IGF2BP3: variants seen among roughly 807,000 people sequenced by gnomAD.
The protein encoded by IGF2BP3 is insulin-like growth factor 2 mRNA-binding protein 3.
Under a neutral mutation model 73.8 loss-of-function variants are expected in IGF2BP3, and 9 were observed. The ratio of observed to expected loss-of-function variants is 0.12; its 90% CI spans 0.07 to 0.21. The LOEUF (loss-of-function observed/expected upper bound fraction) is 0.21. Ranked by LOEUF, IGF2BP3 falls within the 10% of genes least tolerant of loss-of-function variation. The pLI is 1.00. For synonymous variants in IGF2BP3, 258 were observed against 256.7 expected (o/e 1.01, Z -0.05); for missense variants, 542 against 714.0 (o/e 0.76, Z 2.75).
At chr7:23,347,341 G>C (rs1345499356) in intron 7 of IGF2BP3, among the ~76,000 whole-genome samples, 1 of 152,088 alleles carries the variant, frequency 6.6e-6, no homozygotes, top group Non-Finnish European at 1.5e-5. Context: ...CCTGGTCCTA[G>C]GTTCCCCAAG....
intron 3 of IGF2BP3, among the ~76,000 whole-genome samples, chr7:23,372,689 A>T (rs1380192055): frequency 1.3e-5 from 2 of 152,190 alleles, no homozygotes; most frequent in East Asian, 3.8e-4. Context: ...GATCCCTAAC[A>T]AGTGCCCTGA....
At chr7:23,425,313 G>A (rs1427991331) in intron 2 of IGF2BP3, among the ~76,000 whole-genome samples, 1 of 152,096 alleles carries the variant, frequency 6.6e-6, no homozygotes, top group Admixed American at 6.6e-5. Flanking sequence ...TACTCATTCT[G>A]GATTTTACTC....
chr7:23,436,977 A>G (rs1691791076), intron 2 of IGF2BP3, among the ~76,000 whole-genome samples: 2 of 152,122 alleles, frequency 1.3e-5, no homozygotes, highest in South Asian at 4.2e-4. Context: ...TTAGCCAGGC[A>G]TGGTGGTGGT....
At chr7:23,381,137 C>T (rs1196298658) in intron 3 of IGF2BP3, among the ~76,000 whole-genome samples, 1 of 152,194 alleles carries the variant, frequency 6.6e-6, no homozygotes, top group Non-Finnish European at 1.5e-5. Flanking sequence ...TGGAGAAATC[C>T]CTCCTCCCAG....
chr7:23,376,032 G>T (rs966323518), intron 3 of IGF2BP3, among the ~76,000 whole-genome samples: 2 of 152,176 alleles, frequency 1.3e-5, no homozygotes, highest in African/African-American at 2.4e-5. Flanking sequence ...AATAGGTGCA[G>T]TTAAGAATAC....
At chr7:23,346,288 C>T (rs1784826209) in intron 7 of IGF2BP3, 1 of 446,582 alleles carries the variant, frequency 2.2e-6, no homozygotes, top group Non-Finnish European at 4.0e-6. Context: ...ATTTTATTCA[C>T]TTCAGGAAAT....
rs1323850105 is a variant in IGF2BP3 at position 23,346,012 on chromosome 7, C to T, written c.869G>A (p.Arg290His). ...KILAHNNFVGRLIGKEGRNLK... is the reference protein window; with the variant it reads ...KILAHNNFVGHLIGKEGRNLK... ...ATTTCTTCCTTCTTTACCAATAAGA[C>T]GTCCAACAAAGTTATTATGAGCTAA... The change falls in exon 8 of 15, where the codon CGT becomes CAT. Residue 290 changes from arginine (R) to histidine (H), a missense_variant. By Grantham distance (29) the Arg-to-His change is conservative. Coordinates refer to ENST00000258729, the MANE Select transcript of IGF2BP3 (RefSeq NM_006547.3). The T allele has an allele frequency of 5.0e-6, 8 of 1,613,596 alleles. No homozygotes were observed. Among genetic ancestry groups the T allele is most frequent in the Non-Finnish European group, 5.1e-6 (6 of 1,179,892 alleles).
intron 3 of IGF2BP3, among the ~76,000 whole-genome samples, chr7:23,373,465 TTCACC>T (rs777064676): frequency 0.015 from 2,245 of 152,116 alleles, 32 homozygotes; most frequent in Non-Finnish European, 0.022. Flanking sequence ...GAGATACCAC[TTCACC>T]TCCATTAGAA....
intron 3 of IGF2BP3, among the ~76,000 whole-genome samples, chr7:23,387,551 C>T (rs1786126079): frequency 6.6e-6 from 1 of 152,138 alleles, no homozygotes; most frequent in African/African-American, 2.4e-5. Context: ...ATGTTAATAA[C>T]AGAGAAGACT....
At chr7:23,361,825 G>A (rs1247021276) in intron 3 of IGF2BP3, 84 bp from the exon 4 acceptor site, 24 of 1,252,438 alleles carry the variant, frequency 1.9e-5, no homozygotes, top group Non-Finnish European at 2.5e-5. Flanking sequence ...AAATCACTAA[G>A]TAATTGTGAT....
rs756431557 is a variant in IGF2BP3 at position 23,347,689 on chromosome 7, C to A, written c.729G>T (p.Ser243=). The A allele has an allele frequency of 3.1e-6, 5 of 1,614,026 alleles. No individual in the cohort carries two copies. Among genetic ancestry groups the A allele is most frequent in the Admixed American group, 3.3e-5 (2 of 60,002 alleles). The change falls in exon 7 of 15, where the codon TCG becomes TCT. Residue 243 remains serine (S), a synonymous_variant. Coordinates refer to ENST00000258729, the MANE Select transcript of IGF2BP3 (RefSeq NM_006547.3). ...CTTCAGGAGTAGAGAGGATAGTAAT[C>A]GACTTCTCAGCAGCCCCCGCATTTT... is the stretch of plus-strand genomic sequence containing the variant. ...RKENAGAAEK[S]ITILSTPEGT...
At chr7:23,348,223 T>C (rs1784878731) in intron 6 of IGF2BP3, among the ~76,000 whole-genome samples, 1 of 152,168 alleles carries the variant, frequency 6.6e-6, no homozygotes, top group Non-Finnish European at 1.5e-5. Context: ...TTTGCCTCCT[T>C]GATAGAGGAA....
At chr7:23,392,628 T>C (rs1364297109) in intron 3 of IGF2BP3, among the ~76,000 whole-genome samples, 6 of 152,022 alleles carry the variant, frequency 3.9e-5, no homozygotes, top group Admixed American at 3.9e-4. Flanking sequence ...ACAAACACTT[T>C]TTTTTGTTTG....
chr7:23,319,114 G>T, intron 11 of IGF2BP3, 24 bp downstream of exon 11: 1 of 1,417,200 alleles, frequency 7.1e-7, no homozygotes, highest in Non-Finnish European at 9.8e-7. Flanking sequence ...AAGAACCAGA[G>T]AACCACAGCT....
At chr7:23,388,255 T>TTA (rs1190217723) in intron 3 of IGF2BP3, among the ~76,000 whole-genome samples, 1 of 152,128 alleles carries the variant, frequency 6.6e-6, no homozygotes, top group African/African-American at 2.4e-5. Context: ...TTTAAAAACA[T>TTA]TAAATATATG....
At chr7:23,430,385 C>CA (rs1198259820) in intron 2 of IGF2BP3, among the ~76,000 whole-genome samples, 1 of 152,074 alleles carries the variant, frequency 6.6e-6, no homozygotes, top group African/African-American at 2.4e-5. Flanking sequence ...ATTTCTTATG[C>CA]AAAAAAACTG....
intron 2 of IGF2BP3, among the ~76,000 whole-genome samples, chr7:23,455,748 C>T (rs1228674621): frequency 6.6e-6 from 1 of 152,162 alleles, no homozygotes; most frequent in East Asian, 1.9e-4. Flanking sequence ...TGCGGTGGCG[C>T]GATGTCGACT....
At chr7:23,425,114 G>A (rs532877373) in intron 2 of IGF2BP3, among the ~76,000 whole-genome samples, 13 of 152,308 alleles carry the variant, frequency 8.5e-5, no homozygotes, top group African/African-American at 3.1e-4. Flanking sequence ...TCCACTAAGT[G>A]TTTATTTCCA....
chr7:23,418,186 A>C (rs1787246064), intron 3 of IGF2BP3, among the ~76,000 whole-genome samples: 1 of 152,182 alleles, frequency 6.6e-6, no homozygotes, highest in African/African-American at 2.4e-5. Flanking sequence ...GGGTTTTAAG[A>C]ACTTTCAGGT....
Sources: allele counts gnomAD v4.1 joint callset (sites outside exome capture counted in the v4.1 genomes callset), GRCh38; gene constraint gnomAD v4.1.1; transcripts MANE v1.5; gene names NCBI Gene and HGNC (gene_info 2026-07-23, HGNC 2026-07-21).